Variants in ZMAT4 observed in about 807,000 individuals in gnomAD.
ZMAT4 encodes the protein zinc finger matrin-type protein 4.
In ZMAT4, 17 loss-of-function variants were observed where a neutral mutation model predicts 28.7. That is an observed-to-expected ratio of 0.59 (90% confidence interval 0.41 to 0.89). The LOEUF (loss-of-function observed/expected upper bound fraction) is 0.89, where lower values mean the gene tolerates loss of function less well. Among genes scored for constraint, ZMAT4 ranks in the 40% least tolerant of loss-of-function variants. The pLI is 0.00. For missense variants in ZMAT4, 240 were observed against 283.8 expected (o/e 0.85, Z 1.11); for synonymous variants, 117 against 109.2 (o/e 1.07, Z -0.44).
At chr8:40,606,008 T>C (rs540181339) in intron 5 of ZMAT4, among the ~76,000 whole-genome samples, 1 of 152,366 alleles carries the variant, frequency 6.6e-6, no homozygotes, top group South Asian at 2.1e-4. Flanking sequence ...TCACTTTTGG[T>C]GTCCATTTGC....
Position 40,648,025 on chromosome 8 carries a change from C to T in ZMAT4, c.577+26679G>A, listed in dbSNP as rs895235897. Among the ~76,000 whole-genome samples the T allele has an allele frequency of 9.7e-4, 148 of 152,312 alleles. 1 individual carries two copies. Among genetic ancestry groups the T allele is most frequent in the Non-Finnish European group, 6.2e-4 (42 of 68,036 alleles). On this transcript the variant is annotated intron_variant, in intron 5 of 6. Transcript: ENST00000297737. Reference sequence around the variant, plus strand: ...TCTAAAAAGCAGAGTGCCTCTCCTCCGCCAAAGGAACGCAGTTCCTCACCA... The same window carrying T: ...TCTAAAAAGCAGAGTGCCTCTCCTCTGCCAAAGGAACGCAGTTCCTCACCA...
intron 6 of ZMAT4, among the ~76,000 whole-genome samples, chr8:40,565,653 C>T (rs1803897509): frequency 6.6e-6 from 1 of 151,966 alleles, no homozygotes; most frequent in Admixed American, 6.6e-5. Flanking sequence ...GCTGGGATTA[C>T]ATGTGTGAAC....
chr8:40,565,638 A>G (rs1803897073), intron 6 of ZMAT4, among the ~76,000 whole-genome samples: 1 of 151,988 alleles, frequency 6.6e-6, no homozygotes, highest in Non-Finnish European at 1.5e-5. Flanking sequence ...TCGGCCTACC[A>G]AAGTGCTGGG....
intron 6 of ZMAT4, among the ~76,000 whole-genome samples, chr8:40,574,472 G>T (rs10088250): frequency 0.11 from 16,958 of 152,118 alleles, 1,222 homozygotes; most frequent in Admixed American, 0.2. Context: ...GTTTCTCCTG[G>T]GTAGAATATG....
At chr8:40,540,270 G>T (rs145659355) in intron 6 of ZMAT4, among the ~76,000 whole-genome samples, 2 of 152,288 alleles carry the variant, frequency 1.3e-5, no homozygotes, top group Non-Finnish European at 2.9e-5. Context: ...CAAGCTGCGG[G>T]CAGGAAGTGC....
chr8:40,601,152 G>A (rs1006207283), intron 5 of ZMAT4, among the ~76,000 whole-genome samples: 2 of 151,972 alleles, frequency 1.3e-5, no homozygotes, highest in Non-Finnish European at 2.9e-5. Context: ...CAGGAACACT[G>A]GAGACCAGGT....
At chr8:40,554,993 G>A (rs1391238897) in intron 6 of ZMAT4, among the ~76,000 whole-genome samples, 1 of 151,950 alleles carries the variant, frequency 6.6e-6, no homozygotes, top group African/African-American at 2.4e-5. Flanking sequence ...ATCCTTCCCA[G>A]CCTCTGGTAT....
chr8:40,568,046 C>T (rs560252250), intron 6 of ZMAT4, among the ~76,000 whole-genome samples: 7 of 152,158 alleles, frequency 4.6e-5, no homozygotes, highest in East Asian at 1.9e-4. Flanking sequence ...AGAAATTCCA[C>T]GTAGAGAATC....
intron 1 of ZMAT4, among the ~76,000 whole-genome samples, chr8:40,879,918 C>A (rs1049225634): frequency 6.7e-6 from 1 of 148,686 alleles, no homozygotes; most frequent in Admixed American, 6.8e-5. Flanking sequence ...ATGGACGTAC[C>A]GAACTAGTTT....
intron 1 of ZMAT4, among the ~76,000 whole-genome samples, chr8:40,852,551 C>T (rs1312937999): frequency 2.0e-5 from 3 of 152,154 alleles, no homozygotes; most frequent in Non-Finnish European, 4.4e-5. Flanking sequence ...CTTTAATAGC[C>T]TTATCAGGTA....
intron 6 of ZMAT4, among the ~76,000 whole-genome samples, chr8:40,577,676 A>G (rs1485705885): frequency 1.3e-5 from 2 of 152,120 alleles, no homozygotes; most frequent in African/African-American, 4.8e-5. Flanking sequence ...GAAATGATAA[A>G]TTTTTGAAGT....
intron 5 of ZMAT4, among the ~76,000 whole-genome samples, chr8:40,604,681 T>C (rs1805519545): frequency 6.6e-6 from 1 of 152,058 alleles, no homozygotes; most frequent in African/African-American, 2.4e-5. Context: ...CCGTAGTTTT[T>C]GTTGTTGTTG....
intron 1 of ZMAT4, among the ~76,000 whole-genome samples, chr8:40,839,882 T>C (rs769531676): frequency 1.3e-5 from 2 of 152,238 alleles, no homozygotes; most frequent in Non-Finnish European, 2.9e-5. Context: ...GTTACCACTA[T>C]GCATTCTATG....
At chr8:40,876,731 T>C (rs117366701) in intron 1 of ZMAT4, among the ~76,000 whole-genome samples, 3,374 of 152,352 alleles carry the variant, frequency 0.022, 61 homozygotes, top group Middle Eastern at 0.13. Context: ...ATGTTATTGG[T>C]AAGGCTTCTG....
intron 1 of ZMAT4, among the ~76,000 whole-genome samples, chr8:40,827,049 A>T (rs1816082208): frequency 6.6e-6 from 1 of 152,186 alleles, no homozygotes; most frequent in Admixed American, 6.5e-5. Flanking sequence ...TTTCACCACC[A>T]TCATCTTACC....
chr8:40,801,352 A>AAAAAAATATATATATATATATG lies in ZMAT4; in HGVS notation c.102+24222_102+24223insCATATATATATATATATTTTTT, dbSNP rs774919666. ...GATGATACTTTCTTTAAAAAAAAAA[A>AAAAAAATATATATATATATATG]TATATATATATATATATATACATAT... is the stretch of plus-strand genomic sequence containing the variant. On this transcript the variant is annotated intron_variant, in intron 2 of 6. Transcript: ENST00000297737. 5.5e-4 allele frequency among the ~76,000 whole-genome samples: 40 copies of AAAAAAATATATATATATATATG among 72,140 alleles called. 2 individuals carry two copies. The highest frequency in any genetic ancestry group is 1.8e-3 in the African/African-American group (40 of 21,786). 47.3% of individuals were successfully genotyped at this position (72,140 alleles called of 152,430 possible). A position where few individuals can be genotyped will look rare whatever the true frequency, so the allele number is the denominator to read the frequency against.
chr8:40,590,712 A>AGT (rs3221714), intron 5 of ZMAT4, among the ~76,000 whole-genome samples: 29,073 of 150,362 alleles, frequency 0.19, 2,858 homozygotes, highest in Non-Finnish European at 0.23. Flanking sequence ...TTTCAGTATA[A>AGT]GTGTGTGTGT....
At chr8:40,840,349 G>A (rs1422475966) in intron 1 of ZMAT4, among the ~76,000 whole-genome samples, 1 of 152,122 alleles carries the variant, frequency 6.6e-6, no homozygotes, top group African/African-American at 2.4e-5. Flanking sequence ...TCCCCATGCA[G>A]TTGGCTGAGG....
intron 1 of ZMAT4, among the ~76,000 whole-genome samples, chr8:40,872,215 A>ACACG (rs1165084446): frequency 2.6e-5 from 4 of 152,220 alleles, no homozygotes; most frequent in Non-Finnish European, 5.9e-5. Flanking sequence ...GTGCATGCAC[A>ACACG]CACGCACACA....
Sources: gnomAD v4.1 joint callset for allele counts (sites outside exome capture counted in the v4.1 genomes callset) on GRCh38, gnomAD v4.1.1 for gene constraint, MANE v1.5 for transcripts, NCBI Gene and HGNC (gene_info 2026-07-23, HGNC 2026-07-21) for gene names.